Variants in SND1 observed in about 807,000 individuals in gnomAD.
SND1 encodes the protein staphylococcal nuclease domain-containing protein 1.
A neutral mutation model predicts 121.7 loss-of-function variants in SND1; 38 were observed. The ratio of observed to expected loss-of-function variants is 0.31; its 90% CI spans 0.24 to 0.41. The LOEUF is 0.41. Among genes scored for constraint, SND1 ranks in the 10% least tolerant of loss-of-function variants. The pLI is 1.00. For missense variants in SND1, 868 were observed against 1,184.6 expected (o/e 0.73, Z 3.92); for synonymous variants, 401 against 447.4 (o/e 0.90, Z 1.31).
intron 3 of SND1, among the ~76,000 whole-genome samples, chr7:127,697,698 A>G (rs751097808): frequency 1.3e-5 from 2 of 152,190 alleles, no homozygotes; most frequent in Non-Finnish European, 2.9e-5. Flanking sequence ...TCTCAGTTCA[A>G]CTTTTCTTGG....
intron 10 of SND1, among the ~76,000 whole-genome samples, chr7:127,791,780 A>G (rs1247112553): frequency 1.3e-5 from 2 of 152,220 alleles, no homozygotes; most frequent in African/African-American, 2.4e-5. Context: ...TAGAAAAATG[A>G]CATTTTGCTG....
At position 127,707,693 on chromosome 7, in the gene SND1, G is replaced by A. The variant is rs934576560; in HGVS notation, c.1038+46G>A. On this transcript the variant is annotated intron_variant, in intron 9 of 23. Coordinates refer to ENST00000354725, the MANE Select transcript of SND1 (RefSeq NM_014390.4). ...TGATATGCATAGTGGACATTGCCAG[G>A]CGAGTAATAATACAAGAATTTGAAC... is the stretch of plus-strand genomic sequence containing the variant. The A allele has an allele frequency of 2.7e-6, 4 of 1,487,126 alleles. No individual in the cohort carries two copies. The South Asian group carries it at 3.4e-5, about 13-fold the overall frequency. 92.1% of individuals were successfully genotyped at this position (1,487,126 alleles called of 1,614,324 possible).
intron 14 of SND1, among the ~76,000 whole-genome samples, chr7:127,918,063 T>TTTTTTTC (rs1306259252): frequency 2.0e-5 from 3 of 151,080 alleles, no homozygotes; most frequent in African/African-American, 7.3e-5. Flanking sequence ...TTCTTTTTTT[T>TTTTTTTC]TTTTTCTTTT....
At chr7:128,079,316 A>G (rs1255320095) in intron 17 of SND1, among the ~76,000 whole-genome samples, 1 of 152,238 alleles carries the variant, frequency 6.6e-6, no homozygotes, top group Non-Finnish European at 1.5e-5. Context: ...AAGGCCCTTG[A>G]GGGATTAGGG....
intron 1 of SND1, among the ~76,000 whole-genome samples, chr7:127,676,948 G>A (rs565246439): frequency 2.6e-5 from 4 of 152,158 alleles, no homozygotes; most frequent in Non-Finnish European, 4.4e-5. Context: ...CACCTTCTTG[G>A]CCAGGCTGGT....
chr7:127,657,561 T>G (rs1795232879), intron 1 of SND1, among the ~76,000 whole-genome samples: 1 of 152,220 alleles, frequency 6.6e-6, no homozygotes, highest in Non-Finnish European at 1.5e-5. Context: ...GGCACAATCA[T>G]GGCTCATTGC....
chr7:127,963,276 T>C (rs562031563), intron 15 of SND1, among the ~76,000 whole-genome samples: 84 of 150,688 alleles, frequency 5.6e-4, no homozygotes, highest in Non-Finnish European at 1.0e-3. Context: ...AATTATACTT[T>C]AAGTTTTAGG....
At chr7:127,736,420 A>C (rs1164113432) in intron 10 of SND1, among the ~76,000 whole-genome samples, 2 of 152,192 alleles carry the variant, frequency 1.3e-5, no homozygotes, top group Non-Finnish European at 1.5e-5. Context: ...ATGGCTATGC[A>C]GTTGTTAATG....
intron 17 of SND1, among the ~76,000 whole-genome samples, chr7:128,080,954 C>G (rs566216023): frequency 3.8e-4 from 58 of 151,972 alleles, no homozygotes; most frequent in African/African-American, 1.3e-3. Flanking sequence ...GTCACTCGCC[C>G]AGGGCCGATC....
At chr7:127,818,979 A>C (rs577588475) in intron 11 of SND1, among the ~76,000 whole-genome samples, 1 of 152,276 alleles carries the variant, frequency 6.6e-6, no homozygotes, top group South Asian at 2.1e-4. Flanking sequence ...ATCTCTCAAC[A>C]TTTGAGTGAG....
At chr7:127,841,539 CTTG>C (rs1387259915) in intron 11 of SND1, among the ~76,000 whole-genome samples, 3 of 152,106 alleles carry the variant, frequency 2.0e-5, no homozygotes, top group Non-Finnish European at 4.4e-5. Flanking sequence ...CTCCAGCTAT[CTTG>C]TTGTTTTCCT....
At chr7:128,042,082 A>G (rs1417950406) in intron 16 of SND1, among the ~76,000 whole-genome samples, 1 of 151,748 alleles carries the variant, frequency 6.6e-6, no homozygotes, top group Non-Finnish European at 1.5e-5. Context: ...CTCATTCTCT[A>G]TCACTTTCTT....
chr7:128,058,445 T>A (rs1211823226), intron 16 of SND1, among the ~76,000 whole-genome samples: 1 of 152,252 alleles, frequency 6.6e-6, no homozygotes, highest in East Asian at 1.9e-4. Context: ...TGGCAGAGGC[T>A]AAATTTGAAC....
intron 16 of SND1, among the ~76,000 whole-genome samples, chr7:128,050,930 G>A (rs906412792): frequency 1.3e-5 from 2 of 152,228 alleles, no homozygotes; most frequent in African/African-American, 4.8e-5. Flanking sequence ...TCTTTTCTGT[G>A]TCGTCTCCAT....
In SND1 at chr7:128,081,831, C is replaced by G. The variant is rs370050137; in HGVS notation, c.2110+330C>G. On this transcript the variant is annotated intron_variant, in intron 18 of 23. Transcript: ENST00000354725. ...AGGTGATTGTTTGTTCCTACATACC[C>G]CTGGCTATGCTGGGCAGGATGATTT... The G allele has an allele frequency of 3.0e-5, 17 of 560,216 alleles. 1 individual carries two copies. The highest frequency in any genetic ancestry group is 5.8e-5 in the Non-Finnish European group (16 of 277,006). The allele number at this position is 560,216 out of a possible 1,614,324, so 34.7% of individuals were successfully genotyped here.
intron 15 of SND1, among the ~76,000 whole-genome samples, chr7:127,989,946 G>A (rs1216033481): frequency 6.6e-6 from 1 of 152,160 alleles, no homozygotes; most frequent in African/African-American, 2.4e-5. Context: ...AGAAAAGGCA[G>A]TCTCACTTGG....
intron 11 of SND1, among the ~76,000 whole-genome samples, chr7:127,817,978 A>G (rs189455669): frequency 1.3e-5 from 2 of 152,200 alleles, no homozygotes; most frequent in Admixed American, 1.3e-4. Context: ...AGATCTTTAC[A>G]GAAGGGGTGG....
At chr7:127,804,715 G>T (rs1464738543) in intron 10 of SND1, among the ~76,000 whole-genome samples, 1 of 150,810 alleles carries the variant, frequency 6.6e-6, no homozygotes, top group Non-Finnish European at 1.5e-5. Context: ...AGACTAGCCT[G>T]AGCAACATAG....
chr7:127,817,747 T>G (rs13232557), intron 11 of SND1, among the ~76,000 whole-genome samples: 15 of 140,828 alleles, frequency 1.1e-4, no homozygotes, highest in Admixed American at 7.1e-4. Flanking sequence ...TTTTTTTTTT[T>G]GGTCAGGAAT....
Sources: allele counts gnomAD v4.1 joint callset (sites outside exome capture counted in the v4.1 genomes callset), GRCh38; gene constraint gnomAD v4.1.1; transcripts MANE v1.5; gene names NCBI Gene and HGNC (gene_info 2026-07-23, HGNC 2026-07-21).